The following CRTAC1 variants were observed in gnomAD, a reference collection of about 807,000 sequenced individuals.
The protein encoded by CRTAC1 is cartilage acidic protein 1.
Under a neutral mutation model 67.8 loss-of-function variants are expected in CRTAC1, and 37 were observed. The observed-to-expected ratio is 0.55, with a 90% CI of 0.42 to 0.72. The LOEUF (loss-of-function observed/expected upper bound fraction) is 0.72, where lower values mean the gene tolerates loss of function less well. CRTAC1 is among the 30% of genes least tolerant of loss of function. The pLI, the probability that CRTAC1 is intolerant of heterozygous loss-of-function variation, is 0.00. For missense variants in CRTAC1, 780 were observed against 931.6 expected, an observed-to-expected ratio of 0.84 and a Z score of 2.12; for synonymous variants, 348 against 371.0, an observed-to-expected ratio of 0.94 and a Z score of 0.71.
intron 5 of CRTAC1, among the ~76,000 whole-genome samples, chr10:97,908,902 G>C (rs1452375062): frequency 1.3e-5 from 2 of 152,176 alleles, no homozygotes; most frequent in Non-Finnish European, 2.9e-5. Flanking sequence ...TCAGTTCGGA[G>C]AAAAGTGGGA....
In CRTAC1 at chr10:97,897,007, C is replaced by T. The variant is rs1256832854; in HGVS notation, c.1134-16G>A. On this transcript the variant is annotated splice_polypyrimidine_tract_variant and intron_variant, in intron 8 of 14. Transcript: ENST00000370597. ...ACGGATGACGCTGCAGGAGAGGAGA[C>T]AGGCTTGCTCTGGTGGGGTCTCAGA... 6.5e-7 allele frequency: 1 copy of T among 1,545,462 alleles called. No homozygotes were observed. The highest frequency in any genetic ancestry group is 2.0e-5 in the Admixed American group (1 of 50,962).
In CRTAC1 at chr10:97,917,629, C is replaced by T. The variant is rs1411932989; in HGVS notation, c.586G>A (p.Ala196Thr). 1 of 1,595,064 alleles carries T rather than the reference C, an allele frequency of 6.3e-7. No individual in the cohort carries two copies. Among genetic ancestry groups the T allele is most frequent in the East Asian group, 2.3e-5 (1 of 44,192 alleles). The change falls in exon 5 of 15, where the codon GCC becomes ACC. Residue 196 changes from alanine to threonine, a missense_variant. By Grantham distance (58) the Ala-to-Thr change is moderately conservative. Transcript: ENST00000370597. Reference sequence around the variant, plus strand: ...CCCACATTACCGTAGGCGTAATTGGCAATGTAGATAGAGTAGCGTCCAGAG... The same window carrying T: ...CCCACATTACCGTAGGCGTAATTGGTAATGTAGATAGAGTAGCGTCCAGAG... The part of the protein sequence containing the change: ...KGSGRYSIYI[A>T]NYAYGNVGPD...
chr10:97,948,784 T>C (rs753243780), intron 2 of CRTAC1, among the ~76,000 whole-genome samples: 1 of 152,176 alleles, frequency 6.6e-6, no homozygotes, highest in Non-Finnish European at 1.5e-5. Context: ...AGAGGTTGAA[T>C]TGACTCACAG....
chr10:97,887,394 C>T (rs1191280867), intron 11 of CRTAC1, among the ~76,000 whole-genome samples: 1 of 152,120 alleles, frequency 6.6e-6, no homozygotes, highest in Non-Finnish European at 1.5e-5. Flanking sequence ...CAGGCACCTG[C>T]CACCACACCT....
chr10:97,980,245 ACACC>A (rs989700378), intron 2 of CRTAC1, among the ~76,000 whole-genome samples: 2 of 152,228 alleles, frequency 1.3e-5, no homozygotes, highest in African/African-American at 4.8e-5. Flanking sequence ...GTTACTTGGC[ACACC>A]CACCCTCATA....
rs1843320321 is a variant in CRTAC1 at position 98,029,546 on chromosome 10, A to G, written c.24+903T>C. 7.4e-6 allele frequency among the ~76,000 whole-genome samples: 1 copy of G among 134,230 alleles called. No individual in the cohort carries two copies. Among genetic ancestry groups the G allele is most frequent in the Admixed American group, 7.2e-5 (1 of 13,978 alleles). 88.1% of individuals were successfully genotyped at this position (134,230 alleles called of 152,430 possible). On this transcript the variant is annotated intron_variant, in intron 1 of 14. Transcript: ENST00000370597. The surrounding 1 kb of genome is among the most constrained non-coding windows in gnomAD (Gnocchi z 4.7). ...GGCGGCGGCAGCAGCAGCAATATTC[A>G]TTAGTCATTCCTGGAGGAAGCCCCC... is the stretch of plus-strand genomic sequence containing the variant.
chr10:98,012,554 A>G (rs916655635), intron 1 of CRTAC1, among the ~76,000 whole-genome samples: 7 of 102,854 alleles, frequency 6.8e-5, no homozygotes, highest in Non-Finnish European at 1.5e-4. Context: ...TCTGGCAGCC[A>G]AGGCAAGGCT....
intron 3 of CRTAC1, among the ~76,000 whole-genome samples, chr10:97,935,122 T>C (rs1017080992): frequency 1.6e-4 from 24 of 152,096 alleles, no homozygotes; most frequent in Non-Finnish European, 1.0e-4. Flanking sequence ...GCATCTTGAT[T>C]AAGAGGATGG....
intron 2 of CRTAC1, among the ~76,000 whole-genome samples, chr10:97,971,400 C>A (rs756352338): frequency 1.3e-5 from 2 of 152,112 alleles, no homozygotes; most frequent in African/African-American, 2.4e-5. Context: ...ATAAGTCAGC[C>A]GCAGAAAGGC....
In CRTAC1 at chr10:97,923,317, G is replaced by A. The variant is rs2050867370; in HGVS notation, c.505C>T (p.Arg169Cys). 3 of 1,614,090 alleles carry A rather than the reference G, an allele frequency of 1.9e-6. No homozygotes were observed. Among genetic ancestry groups the A allele is most frequent in the Non-Finnish European group, 2.5e-6 (3 of 1,180,022 alleles). ...DILSDEVNVA[R>C]GVASLFAGRS... is the part of the protein sequence containing the mutation. The stretch of plus-strand genomic sequence containing the variant: ...CCGGCAAAGAGGCTGGCCACACCAC[G>A]GGCCACGTTGACCTCATCGCTCAGG... Residue 169 changes from arginine to cysteine, a missense_variant, in exon 4 of 15, where the codon CGT becomes TGT. Physicochemically the swap from Arg to Cys is radical, Grantham distance 180. Coordinates refer to ENST00000370597, the MANE Select transcript of CRTAC1 (RefSeq NM_018058.7).
chr10:97,890,081 C>T (rs1253303489), intron 11 of CRTAC1, among the ~76,000 whole-genome samples: 1 of 115,640 alleles, frequency 8.6e-6, no homozygotes, highest in South Asian at 3.6e-4. Context: ...GTATGCTGTC[C>T]AGGATGTGTA....
At chr10:98,006,582 A>G (rs1237553919) in intron 2 of CRTAC1, among the ~76,000 whole-genome samples, 16 of 152,224 alleles carry the variant, frequency 1.1e-4, no homozygotes, top group Admixed American at 3.3e-4. Flanking sequence ...AACAAGCTCA[A>G]AATCAATGCT....
intron 2 of CRTAC1, among the ~76,000 whole-genome samples, chr10:98,004,922 G>A (rs1458110285): frequency 6.6e-6 from 1 of 150,692 alleles, no homozygotes; most frequent in Non-Finnish European, 1.5e-5. Flanking sequence ...GAAATTTCTG[G>A]AAGCATAAAC....
chr10:97,938,731 C>A (rs1039725433), intron 2 of CRTAC1, among the ~76,000 whole-genome samples: 4 of 152,210 alleles, frequency 2.6e-5, no homozygotes, highest in Admixed American at 1.3e-4. Flanking sequence ...TTACAAAGCA[C>A]TTTCTCATCC....
rs765191327 is a variant in CRTAC1 at position 98,011,237 on chromosome 10, A to G, written c.125T>C (p.Val42Ala). The change falls in exon 2 of 15, where the codon GTT (valine) becomes GCT (alanine). Residue 42 changes from valine to alanine, a missense_variant. Physicochemically the swap from Val to Ala is moderately conservative, Grantham distance 64. Transcript: ENST00000370597. The part of the protein sequence containing the change: ...EPMFTAVTNS[V>A]LPPDYDSNPT... ...ATTACTGTCATAGTCAGGAGGCAGA[A>G]CTGAGTTGGTGACTGCAGTGAACAT... 6.2e-7 allele frequency: 1 copy of G among 1,614,188 alleles called. No homozygotes were observed.
At chr10:97,897,471 A>G (rs932812593) in intron 8 of CRTAC1, among the ~76,000 whole-genome samples, 3 of 152,202 alleles carry the variant, frequency 2.0e-5, no homozygotes, top group Non-Finnish European at 4.4e-5. Context: ...GTATAAATGC[A>G]TCTGATCTCC....
chr10:97,970,874 A>G (rs976777435), intron 2 of CRTAC1, among the ~76,000 whole-genome samples: 4 of 152,240 alleles, frequency 2.6e-5, no homozygotes, highest in African/African-American at 9.6e-5. Context: ...CATCTATAAC[A>G]AGTGCCTATA....
chr10:98,023,006 C>T (rs919240622), intron 1 of CRTAC1, among the ~76,000 whole-genome samples: 2 of 152,156 alleles, frequency 1.3e-5, no homozygotes, highest in African/African-American at 4.8e-5. Flanking sequence ...TTAAAAGGAT[C>T]CTCCCAGATA....
Position 97,930,045 on chromosome 10 carries a change from TC to T in CRTAC1, c.421+6124del, listed in dbSNP as rs540948354. On this transcript the variant is annotated intron_variant, in intron 3 of 14. Transcript: ENST00000370597. Reference sequence around the variant, plus strand: ...AGGTTAAGAGGGAAACCCGATCAGCTCCCGCCAGGCACTTTGCCCACATCAG... The same window carrying T: ...AGGTTAAGAGGGAAACCCGATCAGCTCCGCCAGGCACTTTGCCCACATCAG... Among the ~76,000 whole-genome samples, 360 of 152,224 alleles carry T rather than the reference TC, an allele frequency of 2.4e-3. 3 individuals are homozygous for T. The highest frequency in any genetic ancestry group is 8.4e-3 in the African/African-American group (351 of 41,540).
Sources: gnomAD v4.1 joint callset for allele counts (sites outside exome capture counted in the v4.1 genomes callset) on GRCh38, gnomAD v4.1.1 for gene constraint, Gnocchi (gnomAD v3.1) non-coding constraint, MANE v1.5 for transcripts, NCBI Gene and HGNC (gene_info 2026-07-23, HGNC 2026-07-21) for gene names.